Variants in THSD4 observed in about 807,000 individuals in gnomAD.
THSD4 encodes the protein thrombospondin type 1 domain containing 4.
A neutral mutation model predicts 119.0 loss-of-function variants in THSD4; 69 were observed. That is an observed-to-expected ratio of 0.58 (90% CI 0.48 to 0.71). The LOEUF (loss-of-function observed/expected upper bound fraction) is 0.71, where lower values mean the gene tolerates loss of function less well. Ranked by LOEUF, THSD4 falls within the 30% of genes least tolerant of loss-of-function variation. The pLI is 0.00. For synonymous variants in THSD4, 524 were observed against 540.4 expected, an observed-to-expected ratio of 0.97 and a Z score of 0.42; for missense variants, 1,393 against 1,391.1, an observed-to-expected ratio of 1.00 and a Z score of -0.02.
intron 7 of THSD4, among the ~76,000 whole-genome samples, chr15:71,634,059 C>T (rs940192109): frequency 6.6e-5 from 10 of 151,886 alleles, no homozygotes; most frequent in African/African-American, 2.2e-4. Flanking sequence ...TGGCAGTGGA[C>T]GCCTGTGATT....
Position 71,420,477 on chromosome 15 carries a change from A to G in THSD4, c.1152+8654A>G, listed in dbSNP as rs2046795364. Reference sequence around the variant, plus strand: ...GTTTTGTCCATTTCCATTCAATGTTATTATTGATAGTTAATGACTTATTTC... The same window carrying G: ...GTTTTGTCCATTTCCATTCAATGTTGTTATTGATAGTTAATGACTTATTTC... On this transcript the variant is annotated intron_variant, in intron 7 of 17. Transcript: ENST00000261862. Among the ~76,000 whole-genome samples the G allele has an allele frequency of 1.9e-5, 2 of 104,306 alleles. 1 individual carries two copies. Among genetic ancestry groups the G allele is most frequent in the South Asian group, 6.1e-4 (2 of 3,298 alleles). The allele number at this position is 104,306 out of a possible 152,430, so 68.4% of individuals were successfully genotyped here.
At chr15:71,584,922 A>G (rs2049635746) in intron 7 of THSD4, among the ~76,000 whole-genome samples, 1 of 152,186 alleles carries the variant, frequency 6.6e-6, no homozygotes, top group African/African-American at 2.4e-5. Flanking sequence ...TATCTATAAT[A>G]GTCTATTTTA....
rs568017622 is a variant in THSD4, at chr15:71,377,043, G to C, written c.1016-34644G>C. ...GAGGTGGCCACAGTTATCTGGGCCT[G>C]ATGTGGCACTGATTGTGGGAAGAGG... On this transcript the variant is annotated intron_variant, in intron 6 of 17. Transcript: ENST00000261862. Among the ~76,000 whole-genome samples, 8 of 152,326 alleles carry C rather than the reference G, an allele frequency of 5.3e-5. No homozygotes were observed. The South Asian group carries it at 1.7e-3, about 32-fold the overall frequency.
chr15:71,210,313 A>T (rs1189100043), intron 3 of THSD4, among the ~76,000 whole-genome samples: 1 of 152,206 alleles, frequency 6.6e-6, no homozygotes, highest in Non-Finnish European at 1.5e-5. Context: ...ATTAGATAAT[A>T]TATATAAAGT....
intron 11 of THSD4, among the ~76,000 whole-genome samples, chr15:71,742,929 C>T (rs992111662): frequency 6.6e-6 from 1 of 152,110 alleles, no homozygotes; most frequent in Non-Finnish European, 1.5e-5. Context: ...GTGGCAGGCA[C>T]CTGTAATCCC....
chr15:71,529,913 G>T (rs1273904626), intron 7 of THSD4, among the ~76,000 whole-genome samples: 2 of 152,150 alleles, frequency 1.3e-5, no homozygotes, highest in Admixed American at 6.5e-5. Context: ...GACCTGGTTT[G>T]TTGGGATATG....
chr15:71,487,977 C>A (rs543882906), intron 7 of THSD4, among the ~76,000 whole-genome samples: 6 of 152,108 alleles, frequency 3.9e-5, no homozygotes. Context: ...TTTTATTCCT[C>A]CTCATCAAAT....
intron 6 of THSD4, among the ~76,000 whole-genome samples, chr15:71,391,443 G>A (rs1369678546): frequency 7.2e-5 from 11 of 152,174 alleles, no homozygotes; most frequent in African/African-American, 2.7e-4. Context: ...CTTCCCAAAG[G>A]ACTAAGATTA....
chr15:71,343,712 AGG>A (rs2045612989), intron 6 of THSD4, among the ~76,000 whole-genome samples: 1 of 124,838 alleles, frequency 8.0e-6, no homozygotes, highest in African/African-American at 2.7e-5. Flanking sequence ...ATCTCATCTC[AGG>A]ATTTTTTTTT....
intron 2 of THSD4, among the ~76,000 whole-genome samples, chr15:71,154,326 C>T (rs1455705004): frequency 1.3e-5 from 2 of 152,128 alleles, no homozygotes; most frequent in African/African-American, 4.8e-5. Flanking sequence ...CTAATCCCAC[C>T]CATGGAGAAC....
intron 6 of THSD4, among the ~76,000 whole-genome samples, chr15:71,284,915 GATAA>G (rs1407956762): frequency 6.6e-6 from 1 of 151,880 alleles, no homozygotes; most frequent in African/African-American, 2.4e-5. Flanking sequence ...TATTCGAGTG[GATAA>G]ATAAAGCAAG....
chr15:71,431,980 T>C (rs535325110), intron 7 of THSD4, among the ~76,000 whole-genome samples: 1 of 152,240 alleles, frequency 6.6e-6, no homozygotes, highest in South Asian at 2.1e-4. Flanking sequence ...TGGATTAACA[T>C]CCAAGATGGA....
chr15:71,605,899 G>GGAAGGCACAGGAGACTGAGAA (rs1381510893), intron 7 of THSD4, among the ~76,000 whole-genome samples: 2 of 152,162 alleles, frequency 1.3e-5, no homozygotes, highest in African/African-American at 2.4e-5. Context: ...GAAATGGGGA[G>GGAAGGCACAGGAGACTGAGAA]GAAGGCACAG....
intron 7 of THSD4, among the ~76,000 whole-genome samples, chr15:71,537,813 G>A (rs890281743): frequency 6.6e-6 from 1 of 151,822 alleles, no homozygotes; most frequent in African/African-American, 2.4e-5. Flanking sequence ...AGGCTGGAGT[G>A]CAATCACAAT....
At chr15:71,693,981 C>T (rs944866987) in intron 8 of THSD4, among the ~76,000 whole-genome samples, 1 of 151,292 alleles carries the variant, frequency 6.6e-6, no homozygotes, top group Non-Finnish European at 1.5e-5. Context: ...TACCACTGCA[C>T]TCAGGCCTGG....
intron 7 of THSD4, among the ~76,000 whole-genome samples, chr15:71,632,417 A>G (rs977111429): frequency 6.6e-6 from 1 of 152,180 alleles, no homozygotes; most frequent in Non-Finnish European, 1.5e-5. Flanking sequence ...CTCTTGATTC[A>G]AATTTCCAGG....
At chr15:71,479,084 A>AT (rs59172567) in intron 7 of THSD4, among the ~76,000 whole-genome samples, 18,640 of 125,938 alleles carry the variant, frequency 0.15, 1,691 homozygotes, top group East Asian at 0.25. Flanking sequence ...GGCAGAGTGT[A>AT]TTTTTTTTTT....
intron 6 of THSD4, among the ~76,000 whole-genome samples, chr15:71,367,683 T>C (rs1259116475): frequency 6.6e-6 from 1 of 152,216 alleles, no homozygotes; most frequent in African/African-American, 2.4e-5. Flanking sequence ...CAGTCTATCA[T>C]TGATGGACAT....
Position 71,154,944 on chromosome 15 carries a change from C to T in THSD4, c.99+12C>T. ...CTCAACACAGGAAGGTAAGCCATGG[C>T]CATCCAGAGGTTTTCTTCTCTGCCC... On this transcript the variant is annotated intron_variant, in intron 3 of 17. Coordinates refer to ENST00000261862, the MANE Select transcript of THSD4 (RefSeq NM_024817.3). The T allele has an allele frequency of 1.2e-6, 2 of 1,613,770 alleles. No homozygotes were observed. The highest frequency in any genetic ancestry group is 1.7e-6 in the Non-Finnish European group (2 of 1,179,876).
Sources: gnomAD v4.1 joint callset for allele counts (sites outside exome capture counted in the v4.1 genomes callset) on GRCh38, gnomAD v4.1.1 for gene constraint, MANE v1.5 for transcripts, NCBI Gene and HGNC (gene_info 2026-07-23, HGNC 2026-07-21) for gene names.